Variants in ADARB1 observed in about 807,000 individuals in gnomAD.
The protein encoded by ADARB1 is double-stranded RNA-specific editase 1.
Under a neutral mutation model 52.4 loss-of-function variants are expected in ADARB1, and 10 were observed. The ratio of observed to expected loss-of-function variants is 0.19; its 90% confidence interval spans 0.12 to 0.32. The LOEUF is 0.32. Ranked by LOEUF, ADARB1 falls within the 10% of genes least tolerant of loss-of-function variation. The pLI, the probability that ADARB1 is intolerant of heterozygous loss-of-function variation, is 1.00. For synonymous variants in ADARB1, 349 were observed against 371.1 expected (o/e 0.94, Z 0.68); for missense variants, 643 against 922.3 (o/e 0.70, Z 3.92).
chr21:45,172,872 G>C lies in ADARB1; in HGVS notation c.28+1188G>C, dbSNP rs1391863201. ...TTATCCTCATCAATCCTGCTCTTGAGATCTTTTAAAAACCCAGCTTCATGT... is the reference window on the plus strand; with the variant it reads ...TTATCCTCATCAATCCTGCTCTTGACATCTTTTAAAAACCCAGCTTCATGT... On this transcript the variant is annotated intron_variant, in intron 3 of 10. Transcript: ENST00000348831. The surrounding 1 kb of genome is among the most constrained non-coding windows in gnomAD (Gnocchi z 4.4). Among the ~76,000 whole-genome samples, 1 of 152,206 alleles carries C rather than the reference G, an allele frequency of 6.6e-6. No individual in the cohort carries two copies. Among genetic ancestry groups the C allele is most frequent in the Non-Finnish European group, 1.5e-5 (1 of 68,040 alleles).
chr21:45,222,376 A>G lies in ADARB1; in HGVS notation c.*179A>G. ...CACATCAGACCTGGGGCAGGTGCGC[A>G]GTGTGGGGAGGGGATGGGGTGCGTC... On this transcript the variant is annotated 3_prime_UTR_variant, in exon 11 of 11. Coordinates refer to ENST00000348831, the MANE Select transcript of ADARB1 (RefSeq NM_001112.4). 2.2e-6 allele frequency: 3 copies of G among 1,352,158 alleles called. No homozygotes were observed. In the Admixed American group the frequency reaches 1.1e-4, roughly 48 times the overall value. The allele number at this position is 1,352,158 out of a possible 1,614,324, so 83.8% of individuals were successfully genotyped here.
chr21:45,158,268 T>C (rs1411279938), intron 2 of ADARB1, among the ~76,000 whole-genome samples: 2 of 152,134 alleles, frequency 1.3e-5, no homozygotes, highest in Admixed American at 6.5e-5. Context: ...CCCTTGTCCA[T>C]TGTTCTCTCA....
chr21:45,089,091 C>T (rs1022671780), intron 1 of ADARB1, among the ~76,000 whole-genome samples: 6 of 152,144 alleles, frequency 3.9e-5, no homozygotes, highest in Admixed American at 6.5e-5. Flanking sequence ...GAGAAACCAC[C>T]GAAATTCAGA....
At chr21:45,110,979 G>A (rs2087506767) in intron 1 of ADARB1, among the ~76,000 whole-genome samples, 1 of 152,120 alleles carries the variant, frequency 6.6e-6, no homozygotes, top group African/African-American at 2.4e-5. Context: ...AGAGGGCTGG[G>A]GTGCTCCTTC....
At chr21:45,138,368 C>T (rs2089510019) in intron 2 of ADARB1, among the ~76,000 whole-genome samples, 1 of 152,164 alleles carries the variant, frequency 6.6e-6, no homozygotes, top group Non-Finnish European at 1.5e-5. Context: ...ATACGCACTT[C>T]TTATGTCGTA....
In ADARB1 at chr21:45,223,229, AATT is replaced by A. The variant is rs1247656455; in HGVS notation, c.*1036_*1038del. The A allele has an allele frequency of 1.0e-4, 102 of 985,386 alleles. No homozygotes were observed. Among genetic ancestry groups the A allele is most frequent in the Non-Finnish European group, 1.2e-4 (98 of 829,956 alleles). The allele number at this position is 985,386 out of a possible 1,614,324, so 61.0% of individuals were successfully genotyped here. A position where few individuals can be genotyped will look rare whatever the true frequency, so the allele number is the denominator to read the frequency against. On this transcript the variant is annotated 3_prime_UTR_variant, in exon 11 of 11. Transcript: ENST00000348831. Reference sequence around the variant, plus strand: ...ATTCTTGGAAAATGCCATAGTTTTAAATTATTGTTTCCAGCTTTATCAAAGACA... The same window carrying A: ...ATTCTTGGAAAATGCCATAGTTTTAAATTGTTTCCAGCTTTATCAAAGACA...
intron 9 of ADARB1, among the ~76,000 whole-genome samples, chr21:45,205,013 T>C (rs1353891612): frequency 6.6e-6 from 1 of 152,098 alleles, no homozygotes; most frequent in African/African-American, 2.4e-5. Context: ...ATCCCAACAC[T>C]TTGGGAGGCC....
chr21:45,197,290 A>G (rs2092446377), intron 8 of ADARB1, among the ~76,000 whole-genome samples: 1 of 152,186 alleles, frequency 6.6e-6, no homozygotes. Flanking sequence ...TCACAAGGTC[A>G]GGAGTTCAAA....
chr21:45,111,883 G>A (rs2087555796), intron 1 of ADARB1, among the ~76,000 whole-genome samples: 2 of 152,220 alleles, frequency 1.3e-5, no homozygotes, highest in South Asian at 4.1e-4. Flanking sequence ...GGGTGGATGG[G>A]CTGGCTGTGA....
Position 45,179,108 on chromosome 21 carries a change from C to T in ADARB1, c.964-1222C>T, listed in dbSNP as rs570514318. ...TCTGGCACCCTGGCCAATTGGAATG[C>T]GTCGCCCCTTCCCTCTGGCACCCTG... On this transcript the variant is annotated intron_variant, in intron 4 of 10. Coordinates refer to ENST00000348831, the MANE Select transcript of ADARB1 (RefSeq NM_001112.4). Among the ~76,000 whole-genome samples the T allele has an allele frequency of 5.3e-4, 81 of 152,072 alleles. 2 individuals are homozygous for T. In the South Asian group the frequency reaches 0.016, roughly 30 times the overall value.
At chr21:45,155,010 C>A (rs1377173935) in intron 2 of ADARB1, among the ~76,000 whole-genome samples, 1 of 152,236 alleles carries the variant, frequency 6.6e-6, no homozygotes, top group Non-Finnish European at 1.5e-5. Context: ...GTCCTTCAGT[C>A]CCCACCCTCC....
At chr21:45,185,887 C>T (rs938762436) in intron 8 of ADARB1, among the ~76,000 whole-genome samples, 1 of 152,242 alleles carries the variant, frequency 6.6e-6, no homozygotes, top group Non-Finnish European at 1.5e-5. Context: ...AAAATTGATG[C>T]ATACGCATGT....
chr21:45,090,034 A>G (rs1477550517), intron 1 of ADARB1, among the ~76,000 whole-genome samples: 1 of 152,142 alleles, frequency 6.6e-6, no homozygotes, highest in Non-Finnish European at 1.5e-5. Flanking sequence ...TTTCATCCTT[A>G]AGTGTGACAT....
chr21:45,221,624 A>G lies in ADARB1; in HGVS notation c.1927-394A>G, dbSNP rs1356642751. Among the ~76,000 whole-genome samples, 1 of 152,184 alleles carries G rather than the reference A, an allele frequency of 6.6e-6. No homozygotes were observed. The highest frequency in any genetic ancestry group is 1.5e-5 in the Non-Finnish European group (1 of 68,020). ...CACCCAGGCCAGCTGCCACAAGTCC[A>G]AGGTCCACACAGAAGGAGTTACTGG... On this transcript the variant is annotated intron_variant, in intron 10 of 10. Coordinates refer to ENST00000348831, the MANE Select transcript of ADARB1 (RefSeq NM_001112.4). The surrounding 1 kb of genome is among the most constrained non-coding windows in gnomAD (Gnocchi z 4.9).
At chr21:45,093,345 G>A (rs1261521834) in intron 1 of ADARB1, among the ~76,000 whole-genome samples, 1 of 152,202 alleles carries the variant, frequency 6.6e-6, no homozygotes, top group African/African-American at 2.4e-5. Flanking sequence ...CACAACTCCA[G>A]GCGAGGGCAC....
chr21:45,084,225 ATCAT>A (rs1488171636), intron 1 of ADARB1, among the ~76,000 whole-genome samples: 1 of 152,204 alleles, frequency 6.6e-6, no homozygotes, highest in Non-Finnish European at 1.5e-5. Flanking sequence ...GAGTCAAATA[ATCAT>A]TCATTCAGTT....
Position 45,173,830 on chromosome 21 carries a change from G to A in ADARB1, c.29-1900G>A, listed in dbSNP as rs1208619274. Among the ~76,000 whole-genome samples the A allele has an allele frequency of 2.0e-5, 3 of 151,756 alleles. 1 individual carries two copies. Among genetic ancestry groups the A allele is most frequent in the Non-Finnish European group, 4.4e-5 (3 of 67,972 alleles). ...ATTTAGTGTCCATTCCATCAGCTTT[G>A]TCAACTGGGAGAAGTGGTGTGTGTG... On this transcript the variant is annotated intron_variant, in intron 3 of 10. Coordinates refer to ENST00000348831, the MANE Select transcript of ADARB1 (RefSeq NM_001112.4).
chr21:45,091,780 T>C (rs2086569476), intron 1 of ADARB1, among the ~76,000 whole-genome samples: 1 of 152,166 alleles, frequency 6.6e-6, no homozygotes, highest in Admixed American at 6.5e-5. Context: ...GGGGTTTCCC[T>C]GTAGGAGGAG....
At chr21:45,206,870 G>C (rs568959600) in intron 9 of ADARB1, among the ~76,000 whole-genome samples, 1 of 152,224 alleles carries the variant, frequency 6.6e-6, no homozygotes. Context: ...CACCGTGCCT[G>C]GCCTCCGTTA....
Sources: gnomAD v4.1 joint callset for allele counts (sites outside exome capture counted in the v4.1 genomes callset) on GRCh38, gnomAD v4.1.1 for gene constraint, Gnocchi (gnomAD v3.1) non-coding constraint, MANE v1.5 for transcripts, NCBI Gene and HGNC (gene_info 2026-07-23, HGNC 2026-07-21) for gene names.